BCOR: variants seen among roughly 807,000 people sequenced by gnomAD.
The protein encoded by BCOR is BCL6 corepressor, also known as BCL-6 corepressor.
BCOR carries 10 observed loss-of-function variants against 86.7 expected under a neutral mutation model. That is an observed-to-expected ratio of 0.12 (90% CI 0.07 to 0.20). The LOEUF (loss-of-function observed/expected upper bound fraction) is 0.20, where lower values mean the gene tolerates loss of function less well. BCOR is among the 10% of genes least tolerant of loss of function. The probability of loss-of-function intolerance (pLI) is 1.00; values close to 1 mark genes in which losing one functional copy is unlikely to be tolerated. For missense variants in BCOR, 1,259 were observed against 1,452.1 expected, an observed-to-expected ratio of 0.87 and a Z score of 2.16; for synonymous variants, 611 against 609.0, an observed-to-expected ratio of 1.00 and a Z score of -0.05.
chrX:40,096,799 C>G (rs1352996797), intron 1 of BCOR, among the ~76,000 whole-genome samples: 2 of 112,383 alleles, frequency 1.8e-5, no homozygotes, highest in Non-Finnish European at 1.9e-5. Flanking sequence ...TTCCTGCTCG[C>G]GAGCTAACGC....
At chrX:40,068,513 C>T (rs1027824755) in intron 6 of BCOR, among the ~76,000 whole-genome samples, 5 of 112,750 alleles carry the variant, frequency 4.4e-5, no homozygotes, top group Non-Finnish European at 9.4e-5. Flanking sequence ...CCCGCTCAGG[C>T]ATTGCCACTG....
intron 1 of BCOR, among the ~76,000 whole-genome samples, chrX:40,152,268 C>T (rs1010506758): frequency 9.0e-6 from 1 of 111,678 alleles, no homozygotes; most frequent in African/African-American, 3.3e-5. Flanking sequence ...CTGAGCGCCC[C>T]TTGTGCGCTC....
At chrX:40,087,157 C>T (rs772763334) in intron 1 of BCOR, among the ~76,000 whole-genome samples, 77 of 113,340 alleles carry the variant, frequency 6.8e-4, no homozygotes, top group African/African-American at 2.2e-3. Flanking sequence ...TGCCCCTCTC[C>T]ATGCCATGTC....
chrX:40,104,958 G>C (rs1321560077), intron 1 of BCOR, among the ~76,000 whole-genome samples: 1 of 110,925 alleles, frequency 9.0e-6, no homozygotes, highest in Non-Finnish European at 1.9e-5. Context: ...AGCGAGCTGC[G>C]GGCGGAGGTG....
At chrX:40,082,670 C>A (rs1406362597) in intron 1 of BCOR, among the ~76,000 whole-genome samples, 1 of 111,613 alleles carries the variant, frequency 9.0e-6, no homozygotes, top group Non-Finnish European at 1.9e-5. Flanking sequence ...CCCTCACTCA[C>A]CGCGTGTCTC....
chrX:40,119,901 T>C (rs1391326070), intron 1 of BCOR, among the ~76,000 whole-genome samples: 1 of 110,917 alleles, frequency 9.0e-6, no homozygotes, highest in Admixed American at 9.6e-5. Flanking sequence ...TCTGGGCAGA[T>C]GACCTGATAG....
chrX:40,105,459 A>T (rs1027070466), intron 1 of BCOR, among the ~76,000 whole-genome samples: 2 of 111,535 alleles, frequency 1.8e-5, no homozygotes, highest in Non-Finnish European at 3.8e-5. Context: ...TCCTCGCCCC[A>T]GGCGACCACC....
At chrX:40,138,218 C>T (rs1040094028) in intron 1 of BCOR, among the ~76,000 whole-genome samples, 26 of 112,371 alleles carry the variant, frequency 2.3e-4, no homozygotes, top group African/African-American at 7.4e-4. Flanking sequence ...TCCCAAAGTG[C>T]TGGGATTACA....
chrX:40,074,731 A>C lies in BCOR; in HGVS notation c.615T>G (p.Pro205=), dbSNP rs1356141499. The C allele has an allele frequency of 2.5e-6, 3 of 1,211,592 alleles. No homozygotes were observed. Among genetic ancestry groups the C allele is most frequent in the Non-Finnish European group, 3.4e-6 (3 of 895,420 alleles). ...AATACTTATTTGGCGAGTCGAGGAA[A>C]GGGTAGATGGCTGGCGTGGCACCCT... ...YMEGATPAIY[P]FLDSPNKYSL... Residue 205 remains proline, a synonymous_variant, in exon 4 of 15, where the codon CCT becomes CCG. Coordinates refer to ENST00000378444, the MANE Select transcript of BCOR (RefSeq NM_001123385.2).
intron 1 of BCOR, among the ~76,000 whole-genome samples, chrX:40,169,138 T>G (rs1220902334): frequency 1.8e-5 from 2 of 112,656 alleles, no homozygotes; most frequent in African/African-American, 3.2e-5. Flanking sequence ...GAAAACCAAT[T>G]TGGAGAAATC....
intron 1 of BCOR, among the ~76,000 whole-genome samples, chrX:40,147,607 C>G (rs1167555512): frequency 8.8e-6 from 1 of 113,116 alleles, no homozygotes; most frequent in African/African-American, 3.2e-5. Flanking sequence ...AAGACGCACT[C>G]GGAGAGGCAG....
At chrX:40,129,832 G>A (rs1215109369) in intron 1 of BCOR, among the ~76,000 whole-genome samples, 3 of 110,426 alleles carry the variant, frequency 2.7e-5, no homozygotes, top group African/African-American at 6.6e-5. Flanking sequence ...CTTGAGGTCC[G>A]GAGTTCGAGA....
At chrX:40,137,376 G>A (rs750213719) in intron 1 of BCOR, among the ~76,000 whole-genome samples, 4 of 109,159 alleles carry the variant, frequency 3.7e-5, no homozygotes, top group Non-Finnish European at 7.6e-5. Context: ...GTGAAACCCC[G>A]TCTCTACTAA....
At position 40,097,869 on chromosome X, in the gene BCOR, G is replaced by T. The variant is rs1169321554; in HGVS notation, c.-695C>A. Reference sequence around the variant, plus strand: ...TCTCGGTCGCGGTCTGGGCTCCTGCGCGTCTCCCCCGCAGCCGCCGAGCTC... The same window carrying T: ...TCTCGGTCGCGGTCTGGGCTCCTGCTCGTCTCCCCCGCAGCCGCCGAGCTC... On this transcript the variant is annotated 5_prime_UTR_variant, in exon 1 of 15. Coordinates refer to ENST00000378444, the MANE Select transcript of BCOR (RefSeq NM_001123385.2). Among the ~76,000 whole-genome samples, 1 of 107,689 alleles carries T rather than the reference G, an allele frequency of 9.3e-6. No homozygotes were observed. The highest frequency in any genetic ancestry group is 1.9e-5 in the Non-Finnish European group (1 of 51,738). 93.5% of individuals were successfully genotyped at this position (107,689 alleles called of 115,157 possible).
At chrX:40,107,651 G>T (rs1224503326) in intron 1 of BCOR, among the ~76,000 whole-genome samples, 2 of 112,653 alleles carry the variant, frequency 1.8e-5, no homozygotes, top group Non-Finnish European at 3.8e-5. Flanking sequence ...TGGGGACGCG[G>T]CCGACTTGGC....
intron 1 of BCOR, among the ~76,000 whole-genome samples, chrX:40,080,554 C>A (rs1021228911): frequency 9.0e-6 from 1 of 111,658 alleles, no homozygotes; most frequent in Non-Finnish European, 1.9e-5. Context: ...TGAGGCCCAG[C>A]CCCGAAAAGG....
intron 1 of BCOR, among the ~76,000 whole-genome samples, chrX:40,095,458 A>G (rs1283576454): frequency 9.1e-6 from 1 of 110,009 alleles, no homozygotes; most frequent in Non-Finnish European, 1.9e-5. Context: ...CTCACCACCC[A>G]CCACCTTCTG....
intron 7 of BCOR, 83 bp downstream of exon 7, chrX:40,064,253 C>T (rs1935069669): frequency 1.4e-5 from 17 of 1,173,304 alleles, no homozygotes; most frequent in South Asian, 1.8e-5. Flanking sequence ...CAGCGCGCCG[C>T]ACATCCACAT....
chrX:40,124,365 T>G (rs1450790279), intron 1 of BCOR, among the ~76,000 whole-genome samples: 5 of 106,720 alleles, frequency 4.7e-5, no homozygotes, highest in African/African-American at 1.4e-4. Flanking sequence ...CTTCACCTCC[T>G]GGGCTCAAGC....
Sources: gnomAD v4.1 joint callset for allele counts (sites outside exome capture counted in the v4.1 genomes callset) on GRCh38, gnomAD v4.1.1 for gene constraint, MANE v1.5 for transcripts, NCBI Gene and HGNC (gene_info 2026-07-23, HGNC 2026-07-21) for gene names.